Variants in STS observed in about 807,000 individuals in gnomAD.
The protein encoded by STS is steryl-sulfatase.
STS carries 7 observed loss-of-function variants against 26.8 expected under a neutral mutation model. The ratio of observed to expected loss-of-function variants is 0.26; its 90% CI spans 0.15 to 0.49. The LOEUF (loss-of-function observed/expected upper bound fraction) is 0.49. STS is among the 20% of genes least tolerant of loss of function. The probability of loss-of-function intolerance (pLI) is 0.98; values close to 1 mark genes in which losing one functional copy is unlikely to be tolerated. For synonymous variants in STS, 199 were observed against 189.4 expected, an observed-to-expected ratio of 1.05 and a Z score of -0.42; for missense variants, 434 against 465.6, an observed-to-expected ratio of 0.93 and a Z score of 0.63.
intron 1 of STS, among the ~76,000 whole-genome samples, chrX:7,148,958 T>C (rs78866803): frequency 9.6e-5 from 10 of 104,319 alleles, no homozygotes; most frequent in East Asian, 3.0e-4. Context: ...TTTTTTTTTT[T>C]CCCGTTTGCC....
intron 10 of STS, among the ~76,000 whole-genome samples, chrX:7,337,496 A>T (rs1297910377): frequency 8.9e-6 from 1 of 112,430 alleles, no homozygotes; most frequent in Non-Finnish European, 1.9e-5. Context: ...TCTCAGATAG[A>T]CTTTGGTAGG....
At chrX:7,238,178 GTAGATAGATAGATAGATAGATAGA>G (rs56331051) in intron 2 of STS, among the ~76,000 whole-genome samples, 1 of 91,122 alleles carries the variant, frequency 1.1e-5, no homozygotes, top group African/African-American at 4.1e-5. Context: ...AATGCGTGGT[GTAGATAGATAGATAGATAGATAGA>G]TAGATAGATA....
intron 2 of STS, among the ~76,000 whole-genome samples, chrX:7,206,669 T>C (rs1365403443): frequency 8.9e-6 from 1 of 111,896 alleles, no homozygotes; most frequent in African/African-American, 3.2e-5. Context: ...AGCTGTGTGA[T>C]CCAAGGGCCT....
chrX:7,178,775 GCTCTCTCTGTCCTT>G (rs774272476), intron 1 of STS, among the ~76,000 whole-genome samples: 6 of 110,335 alleles, frequency 5.4e-5, no homozygotes, highest in Non-Finnish European at 9.5e-5. Context: ...GTGATAATGG[GCTCTCTCTGTCCTT>G]CTCTCTCTGT....
intron 2 of STS, among the ~76,000 whole-genome samples, chrX:7,194,065 C>T (rs866290010): frequency 4.5e-5 from 5 of 110,785 alleles, no homozygotes; most frequent in Non-Finnish European, 7.6e-5. Flanking sequence ...CCACCACGCC[C>T]GGCTAATTTT....
chrX:7,291,348 G>A (rs1006080661), intron 7 of STS, among the ~76,000 whole-genome samples: 1 of 111,620 alleles, frequency 9.0e-6, no homozygotes. Context: ...TCTTGGGGAG[G>A]TAAACACTTA....
intron 2 of STS, among the ~76,000 whole-genome samples, chrX:7,193,157 A>G (rs961277471): frequency 8.9e-6 from 1 of 112,557 alleles, no homozygotes; most frequent in Admixed American, 9.4e-5. Context: ...CTCAGCTTAT[A>G]TTCATTCCTA....
In STS at chrX:7,334,106, C is replaced by G. The variant is rs1353494766; in HGVS notation, c.1362C>G (p.Asn454Lys). 8.3e-7 allele frequency: 1 copy of G among 1,211,608 alleles called. No individual in the cohort carries two copies. The highest frequency in any genetic ancestry group is 1.1e-6 in the Non-Finnish European group (1 of 895,355). The change falls in exon 10 of 11, where the codon AAC becomes AAG. Residue 454 changes from asparagine (N) to lysine (K), a missense_variant and splice_region_variant. Physicochemically the swap from Asn to Lys is moderately conservative, Grantham distance 94. Coordinates refer to ENST00000674429, the MANE Select transcript of STS (RefSeq NM_001320752.2). ...YLNAVRWHPQ[N>K]STSIWKAFFF... ...ATGCTGTGCGCTGGCACCCTCAGAACAGTGAGTAAACAGACCTTTCCACGC... is the reference window on the plus strand; with the variant it reads ...ATGCTGTGCGCTGGCACCCTCAGAAGAGTGAGTAAACAGACCTTTCCACGC...
intron 7 of STS, among the ~76,000 whole-genome samples, chrX:7,296,630 C>G (rs1925678699): frequency 8.9e-6 from 1 of 112,226 alleles, no homozygotes; most frequent in South Asian, 3.7e-4. Flanking sequence ...GCACCTTTTC[C>G]CATCTATGCA....
intron 1 of STS, among the ~76,000 whole-genome samples, chrX:7,152,303 A>ATTTATT (rs772665215): frequency 9.0e-6 from 1 of 111,105 alleles, no homozygotes; most frequent in African/African-American, 3.3e-5. Context: ...GTTTACCAAG[A>ATTTATT]TTTATTTTTA....
chrX:7,341,677 G>A (rs377285150), intron 10 of STS, among the ~76,000 whole-genome samples: 2 of 111,783 alleles, frequency 1.8e-5, no homozygotes, highest in African/African-American at 6.5e-5. Flanking sequence ...GCTCCGGGTA[G>A]GTCCCGAGGG....
intron 9 of STS, among the ~76,000 whole-genome samples, chrX:7,327,202 G>A (rs1420050313): frequency 9.0e-6 from 1 of 110,621 alleles, no homozygotes; most frequent in Non-Finnish European, 1.9e-5. Context: ...CTAAAAAGGT[G>A]ATAGTGAGAA....
At chrX:7,205,729 T>C (rs1410716985) in intron 2 of STS, among the ~76,000 whole-genome samples, 1 of 105,814 alleles carries the variant, frequency 9.5e-6, no homozygotes, top group Non-Finnish European at 1.9e-5. Context: ...CATAGCAATC[T>C]CTTCCTCCTG....
chrX:7,161,970 A>G (rs1402077628), intron 1 of STS, among the ~76,000 whole-genome samples: 1 of 111,789 alleles, frequency 8.9e-6, no homozygotes, highest in Non-Finnish European at 1.9e-5. Context: ...ACAGAAATCT[A>G]AAAGCTTTCA....
At chrX:7,246,856 C>G (rs759928727) in intron 2 of STS, among the ~76,000 whole-genome samples, 3 of 112,540 alleles carry the variant, frequency 2.7e-5, no homozygotes, top group Non-Finnish European at 5.6e-5. Flanking sequence ...TATTTCTGGC[C>G]TATTTTAAAA....
At chrX:7,224,828 G>A (rs1921731433) in intron 2 of STS, among the ~76,000 whole-genome samples, 1 of 112,456 alleles carries the variant, frequency 8.9e-6, no homozygotes, top group African/African-American at 3.2e-5. Flanking sequence ...GGTTCTCAAA[G>A]CCTTCCCCAT....
chrX:7,346,592 T>C (rs1332046336), intron 10 of STS, among the ~76,000 whole-genome samples: 4 of 111,809 alleles, frequency 3.6e-5, no homozygotes, highest in Admixed American at 2.9e-4. Context: ...TCAAAATACT[T>C]ATCGTTTTCA....
chrX:7,157,742 C>T (rs920384088), intron 1 of STS, among the ~76,000 whole-genome samples: 8 of 111,035 alleles, frequency 7.2e-5, no homozygotes, highest in African/African-American at 2.6e-4. Flanking sequence ...GGTGAGAAAG[C>T]TGGTGCCCCA....
At chrX:7,250,158 G>A (rs957997128) in intron 2 of STS, among the ~76,000 whole-genome samples, 6 of 110,413 alleles carry the variant, frequency 5.4e-5, no homozygotes, top group Admixed American at 4.9e-4. Flanking sequence ...CAACTCCTGA[G>A]CTCCCCCAGT....
Sources: allele counts gnomAD v4.1 joint callset (sites outside exome capture counted in the v4.1 genomes callset), GRCh38; gene constraint gnomAD v4.1.1; transcripts MANE v1.5; gene names NCBI Gene and HGNC (gene_info 2026-07-23, HGNC 2026-07-21).